Variants in CENPW observed in about 807,000 individuals in gnomAD.
The protein encoded by CENPW is cancer-up-regulated gene 2 protein.
A neutral mutation model predicts 11.1 loss-of-function variants in CENPW; 3 were observed. The observed-to-expected ratio is 0.27, with a 90% CI of 0.12 to 0.70. The LOEUF (loss-of-function observed/expected upper bound fraction) is 0.70, where lower values mean the gene tolerates loss of function less well. Ranked by LOEUF, CENPW falls within the 30% of genes least tolerant of loss-of-function variation. The probability of loss-of-function intolerance (pLI) is 0.77; values close to 1 mark genes in which losing one functional copy is unlikely to be tolerated. For missense variants in CENPW, 100 were observed against 105.6 expected (o/e 0.95, Z 0.23); for synonymous variants, 38 against 42.0 (o/e 0.91, Z 0.37).
chr6:126,439,727 A>C, the CENPW span, among the ~76,000 whole-genome samples: 11 of 151,668 alleles, frequency 7.3e-5, no homozygotes, highest in South Asian at 2.1e-4. Context: ...AGGCCAATGA[A>C]GCCAAAGATT....
the CENPW span, among the ~76,000 whole-genome samples, chr6:126,400,955 T>C: frequency 6.6e-6 from 1 of 152,154 alleles, no homozygotes; most frequent in Non-Finnish European, 1.5e-5. Flanking sequence ...TCCAACTTTT[T>C]CTCTAAAATC....
chr6:126,439,918 C>G, the CENPW span, among the ~76,000 whole-genome samples: 2 of 151,696 alleles, frequency 1.3e-5, no homozygotes, highest in African/African-American at 4.8e-5. Flanking sequence ...TCTTTCCACA[C>G]TTTCCTATTC....
chr6:126,434,783 G>A, the CENPW span, among the ~76,000 whole-genome samples: 3 of 151,982 alleles, frequency 2.0e-5, no homozygotes, highest in African/African-American at 7.2e-5. Flanking sequence ...ATAACCCACA[G>A]TTGACCAGTC....
the CENPW span, among the ~76,000 whole-genome samples, chr6:126,476,186 A>G: frequency 6.6e-6 from 1 of 151,812 alleles, no homozygotes; most frequent in African/African-American, 2.4e-5. Flanking sequence ...GGACAGTTGG[A>G]TATTAGCTAG....
At chr6:126,447,984 C>G in the CENPW span, among the ~76,000 whole-genome samples, 1 of 151,272 alleles carries the variant, frequency 6.6e-6, no homozygotes, top group Non-Finnish European at 1.5e-5. Flanking sequence ...GTTCCAGGGT[C>G]AGCCCCCTAT....
At chr6:126,421,828 A>T in the CENPW span, among the ~76,000 whole-genome samples, 1 of 152,092 alleles carries the variant, frequency 6.6e-6, no homozygotes, top group African/African-American at 2.4e-5. Context: ...CAGTAGCTCC[A>T]CTACGTTATT....
chr6:126,441,742 A>G, the CENPW span, among the ~76,000 whole-genome samples: 1 of 151,580 alleles, frequency 6.6e-6, no homozygotes, highest in Non-Finnish European at 1.5e-5. Flanking sequence ...ACTTGGAATA[A>G]TTGTCTCCAA....
chr6:126,350,319 G>A (rs1780476511), downstream of CENPW, among the ~76,000 whole-genome samples: 1 of 152,062 alleles, frequency 6.6e-6, no homozygotes, highest in Non-Finnish European at 1.5e-5. Context: ...TTTGATGGGC[G>A]GAAGGTCTGA....
At chr6:126,403,801 G>A in the CENPW span, among the ~76,000 whole-genome samples, 1 of 152,064 alleles carries the variant, frequency 6.6e-6, no homozygotes, top group African/African-American at 2.4e-5. Flanking sequence ...GCCAAGATAA[G>A]TGATGAAGTT....
At chr6:126,387,788 A>C in the CENPW span, among the ~76,000 whole-genome samples, 1 of 152,116 alleles carries the variant, frequency 6.6e-6, no homozygotes, top group Non-Finnish European at 1.5e-5. Context: ...AGACTTGATC[A>C]AGAATGATAG....
chr6:126,414,052 A>G, the CENPW span, among the ~76,000 whole-genome samples: 4 of 152,072 alleles, frequency 2.6e-5, no homozygotes, highest in Non-Finnish European at 5.9e-5. Context: ...AGCTTTAAGT[A>G]AAAGACTAAA....
chr6:126,342,379 A>G (rs1035677481), intron 1 of CENPW, among the ~76,000 whole-genome samples: 1 of 152,220 alleles, frequency 6.6e-6, no homozygotes. Flanking sequence ...GAACTTGGAC[A>G]GCAGTAAGAG....
chr6:126,469,494 A>C, the CENPW span, among the ~76,000 whole-genome samples: 1 of 152,240 alleles, frequency 6.6e-6, no homozygotes, highest in South Asian at 2.1e-4. Context: ...AATACAGAGT[A>C]TCGTTACTAA....
chr6:126,361,266 TAATC>T, the CENPW span, among the ~76,000 whole-genome samples: 2 of 152,168 alleles, frequency 1.3e-5, no homozygotes, highest in African/African-American at 4.8e-5. Context: ...GATGGGCTCT[TAATC>T]AAGATGTGTG....
the CENPW span, among the ~76,000 whole-genome samples, chr6:126,464,157 G>T: frequency 1.2e-4 from 19 of 152,034 alleles, no homozygotes; most frequent in East Asian, 5.8e-4. Context: ...CATAGGGCTG[G>T]TTTAACATTT....
At chr6:126,368,364 G>A in the CENPW span, among the ~76,000 whole-genome samples, 1 of 152,190 alleles carries the variant, frequency 6.6e-6, no homozygotes, top group Admixed American at 6.5e-5. Context: ...TAAAGGTTCT[G>A]TAATTAAGGG....
chr6:126,460,819 T>TA, the CENPW span, among the ~76,000 whole-genome samples: 1 of 151,732 alleles, frequency 6.6e-6, no homozygotes, highest in African/African-American at 2.4e-5. Flanking sequence ...GCAAGATTCT[T>TA]ACTACAACTG....
chr6:126,440,261 A>G, the CENPW span, among the ~76,000 whole-genome samples: 1 of 151,602 alleles, frequency 6.6e-6, no homozygotes, highest in Non-Finnish European at 1.5e-5. Flanking sequence ...AGCAATATAT[A>G]GTTTGTATAA....
At chr6:126,464,303 G>GA in the CENPW span, among the ~76,000 whole-genome samples, 1 of 152,078 alleles carries the variant, frequency 6.6e-6, no homozygotes, top group Non-Finnish European at 1.5e-5. Context: ...AGTAAAGTCA[G>GA]AATAGAGATG....
Sources: gnomAD v4.1 joint callset for allele counts (sites outside exome capture counted in the v4.1 genomes callset) on GRCh38, gnomAD v4.1.1 for gene constraint, MANE v1.5 for transcripts, NCBI Gene and HGNC (gene_info 2026-07-23, HGNC 2026-07-21) for gene names.